KCNMA1: variants seen among roughly 807,000 people sequenced by gnomAD.
The protein encoded by KCNMA1 is Calcium-activated potassium channel subunit alpha-1.
KCNMA1 carries 29 observed loss-of-function variants against 140.0 expected under a neutral mutation model. That is an observed-to-expected ratio of 0.21 (90% CI 0.15 to 0.28). The LOEUF (loss-of-function observed/expected upper bound fraction) is 0.28, where lower values mean the gene tolerates loss of function less well. KCNMA1 is among the 10% of genes least tolerant of loss of function. The probability of loss-of-function intolerance (pLI) is 1.00; values close to 1 mark genes in which losing one functional copy is unlikely to be tolerated. For synonymous variants in KCNMA1, 612 were observed against 611.9 expected, an observed-to-expected ratio of 1.00 and a Z score of 0.00; for missense variants, 880 against 1,602.2, an observed-to-expected ratio of 0.55 and a Z score of 7.70.
chr10:77,380,061 T>C (rs1250286007), intron 2 of KCNMA1, among the ~76,000 whole-genome samples: 2 of 152,200 alleles, frequency 1.3e-5, no homozygotes, highest in African/African-American at 4.8e-5. Context: ...CTAGTGTTCA[T>C]TATTAGTTGG....
intron 17 of KCNMA1, among the ~76,000 whole-genome samples, chr10:77,014,577 C>T (rs1000756289): frequency 2.6e-5 from 4 of 152,162 alleles, no homozygotes; most frequent in African/African-American, 7.2e-5. Flanking sequence ...GACATCTCCC[C>T]AATCCCTCCC....
chr10:77,015,881 C>T (rs2091936792), intron 17 of KCNMA1, among the ~76,000 whole-genome samples: 1 of 152,134 alleles, frequency 6.6e-6, no homozygotes, highest in African/African-American at 2.4e-5. Context: ...AAGCTGCCAT[C>T]ATCTCTCACC....
At chr10:77,583,882 G>A (rs1567696567) in intron 1 of KCNMA1, among the ~76,000 whole-genome samples, 1 of 152,162 alleles carries the variant, frequency 6.6e-6, no homozygotes, top group Non-Finnish European at 1.5e-5. Context: ...GAAATACAAG[G>A]AAATGCCTTC....
Position 77,637,308 on chromosome 10 carries a change from T to C in KCNMA1, c.335A>G (p.Lys112Arg), listed in dbSNP as rs1430426336. 1 of 1,613,478 alleles carries C rather than the reference T, an allele frequency of 6.2e-7. No homozygotes were observed. Among genetic ancestry groups the C allele is most frequent in the South Asian group, 1.1e-5 (1 of 90,934 alleles). The change falls in exon 1 of 28, where the codon AAG becomes AGG. Residue 112 changes from lysine (K) to arginine (R), a missense_variant. Lys to Arg is a conservative substitution (Grantham distance 26, BLOSUM62 2). This residue lies in a region of KCNMA1 where 31 missense variants were observed against 75.0 expected (regional missense o/e 0.41). Coordinates refer to ENST00000286628, the MANE Select transcript of KCNMA1 (RefSeq NM_001161352.2). ...LFIILLWRTL[K>R]YLWTVCCHCG... ...GTGGCAGCACACGGTCCACAGGTAC[T>C]TGAGCGTCCGCCAGAGCAAGATGAT...
intron 1 of KCNMA1, among the ~76,000 whole-genome samples, chr10:77,491,714 TACAC>T (rs3071912): frequency 0.16 from 23,004 of 145,386 alleles, 2,446 homozygotes; most frequent in East Asian, 0.56. Flanking sequence ...TTAGAAGTCA[TACAC>T]ACACACACAC....
chr10:77,110,117 C>T, intron 8 of KCNMA1, 56 bp downstream of exon 8: 1 of 1,416,502 alleles, frequency 7.1e-7, no homozygotes, highest in Middle Eastern at 1.8e-4. Flanking sequence ...GGAAATGTAT[C>T]ATGGAAAATA....
intron 5 of KCNMA1, among the ~76,000 whole-genome samples, chr10:77,122,403 C>T (rs575726560): frequency 3.9e-4 from 59 of 152,006 alleles, no homozygotes; most frequent in Non-Finnish European, 7.9e-4. Context: ...AGAGATGAGA[C>T]GGGATGTTGA....
intron 5 of KCNMA1, among the ~76,000 whole-genome samples, chr10:77,138,506 T>A (rs2098099165): frequency 6.6e-6 from 1 of 152,154 alleles, no homozygotes; most frequent in Non-Finnish European, 1.5e-5. Flanking sequence ...TGCTGTTACC[T>A]CCATCTGGAC....
At chr10:77,115,391 C>A (rs1321689771) in intron 6 of KCNMA1, among the ~76,000 whole-genome samples, 1 of 152,204 alleles carries the variant, frequency 6.6e-6, no homozygotes, top group Non-Finnish European at 1.5e-5. Context: ...TTCTCTCCTG[C>A]CTGTACCTTG....
intron 16 of KCNMA1, among the ~76,000 whole-genome samples, chr10:77,023,922 T>C (rs2153506310): frequency 6.6e-6 from 1 of 152,306 alleles, no homozygotes; most frequent in Admixed American, 6.5e-5. Context: ...TGCTCCCAGT[T>C]GGTCAGACTC....
intron 14 of KCNMA1, among the ~76,000 whole-genome samples, chr10:77,061,879 T>A (rs576568049): frequency 6.6e-6 from 1 of 152,202 alleles, no homozygotes; most frequent in Non-Finnish European, 1.5e-5. Flanking sequence ...AAGGGAACTA[T>A]GCTAAATGAA....
At chr10:77,412,742 C>T (rs565358784) in intron 1 of KCNMA1, among the ~76,000 whole-genome samples, 3 of 152,318 alleles carry the variant, frequency 2.0e-5, no homozygotes, top group African/African-American at 7.2e-5. Flanking sequence ...AGCAATTTCA[C>T]CTATTATGGT....
intron 25 of KCNMA1, among the ~76,000 whole-genome samples, chr10:76,896,746 A>G (rs1476500222): frequency 6.6e-6 from 1 of 152,018 alleles, no homozygotes; most frequent in East Asian, 1.9e-4. Context: ...TGGTGGGTTG[A>G]TGGGTGGAGT....
intron 1 of KCNMA1, among the ~76,000 whole-genome samples, chr10:77,625,582 T>C (rs912791031): frequency 1.3e-5 from 2 of 152,222 alleles, no homozygotes; most frequent in Non-Finnish European, 2.9e-5. Flanking sequence ...GGCAACTCTA[T>C]GTACCTCATG....
intron 5 of KCNMA1, among the ~76,000 whole-genome samples, chr10:77,159,183 G>A (rs759786011): frequency 5.3e-5 from 8 of 152,136 alleles, no homozygotes; most frequent in Non-Finnish European, 8.8e-5. Context: ...GTCTGAGAGA[G>A]CTCTAATACA....
chr10:77,057,027 A>T (rs764610746), intron 14 of KCNMA1, among the ~76,000 whole-genome samples: 7 of 152,208 alleles, frequency 4.6e-5, no homozygotes, highest in Admixed American at 6.5e-5. Context: ...GGAAACAATA[A>T]GTGAAAACTT....
chr10:77,161,969 A>T (rs1400349060), intron 5 of KCNMA1, among the ~76,000 whole-genome samples: 4 of 152,238 alleles, frequency 2.6e-5, no homozygotes, highest in Non-Finnish European at 4.4e-5. Context: ...ATATGTATCT[A>T]TTGAGTGAAT....
chr10:77,000,578 G>A (rs971713006), intron 19 of KCNMA1, among the ~76,000 whole-genome samples: 3 of 152,108 alleles, frequency 2.0e-5, no homozygotes, highest in Non-Finnish European at 4.4e-5. Context: ...CTGTGCTATG[G>A]ACTCAGGGAT....
intron 20 of KCNMA1, among the ~76,000 whole-genome samples, chr10:76,959,728 C>G (rs1442096560): frequency 6.6e-6 from 1 of 152,196 alleles, no homozygotes; most frequent in African/African-American, 2.4e-5. Flanking sequence ...ACTATTAATA[C>G]TACTACTATT....
Sources: gnomAD v4.1 joint callset for allele counts (sites outside exome capture counted in the v4.1 genomes callset) on GRCh38, gnomAD v4.1.1 for gene constraint, gnomAD v4.1.1 regional missense constraint, MANE v1.5 for transcripts, NCBI Gene and HGNC (gene_info 2026-07-23, HGNC 2026-07-21) for gene names.